RPH3A: variants seen among roughly 807,000 people sequenced by gnomAD.
RPH3A encodes rabphilin 3A, also known as rabphilin-3A.
In RPH3A, 48 loss-of-function variants were observed where a neutral mutation model predicts 102.2. The ratio of observed to expected loss-of-function variants is 0.47; its 90% CI spans 0.37 to 0.60. The LOEUF is 0.60. RPH3A is among the 20% of genes least tolerant of loss of function. RPH3A has a pLI of 0.00. For missense variants in RPH3A, 781 were observed against 910.1 expected, an observed-to-expected ratio of 0.86 and a Z score of 1.83; for synonymous variants, 310 against 324.3, an observed-to-expected ratio of 0.96 and a Z score of 0.47.
intron 12 of RPH3A, 90 bp from the exon 13 acceptor site, chr12:112,876,552 A>G: frequency 1.1e-6 from 1 of 917,474 alleles, no homozygotes. Flanking sequence ...GGGTGAAGCC[A>G]GGAATCCGCA....
At chr12:112,681,930 C>T (rs1166285927) in intron 1 of RPH3A, among the ~76,000 whole-genome samples, 1 of 152,218 alleles carries the variant, frequency 6.6e-6, no homozygotes, top group Non-Finnish European at 1.5e-5. Context: ...TTTAGAAACT[C>T]TAGACCTTGA....
At position 112,890,033 on chromosome 12, in the gene RPH3A, G is replaced by T. The variant is rs1285199710; in HGVS notation, c.1573G>T (p.Ala525Ser). Residue 525 changes from alanine (A) to serine (S), a missense_variant, in exon 18 of 22, where the codon GCT becomes TCT. Coordinates refer to ENST00000389385, the MANE Select transcript of RPH3A (RefSeq NM_001143854.2). ...CLERVIPMKR[A>S]GTTGSARGMA... ...GTTTTCTTCTTTTAAGATGAAACGT[G>T]CTGGGACCACCGGGTCAGCCCGAGG... 1.2e-6 allele frequency: 2 copies of T among 1,613,610 alleles called. No individual in the cohort carries two copies. Among genetic ancestry groups the T allele is most frequent in the Admixed American group, 3.3e-5 (2 of 60,028 alleles).
chr12:112,599,935 C>A (rs2039546579), intron 1 of RPH3A, among the ~76,000 whole-genome samples: 1 of 152,204 alleles, frequency 6.6e-6, no homozygotes, highest in Admixed American at 6.5e-5. Flanking sequence ...CTCTCTCAGC[C>A]TCAGCCTTCT....
intron 1 of RPH3A, among the ~76,000 whole-genome samples, chr12:112,652,129 T>C (rs1278736294): frequency 3.3e-5 from 5 of 152,142 alleles, no homozygotes; most frequent in Non-Finnish European, 7.4e-5. Flanking sequence ...GTGGAATTAC[T>C]AGATCATGTG....
At chr12:112,685,219 A>C (rs2040254968) in intron 1 of RPH3A, among the ~76,000 whole-genome samples, 1 of 152,182 alleles carries the variant, frequency 6.6e-6, no homozygotes. Flanking sequence ...TTACAGGCAT[A>C]AGCCATTGCA....
At position 112,738,975 on chromosome 12, in the gene RPH3A, C is replaced by T. The variant is rs780575145; in HGVS notation, c.-139-53168C>T. On this transcript the variant is annotated intron_variant, in intron 1 of 21. Coordinates refer to the RPH3A transcript ENST00000543106. The stretch of plus-strand genomic sequence containing the variant: ...TCGCAGTATGAGGTAGATGCATGCA[C>T]GAAGGAGAAGAGGCCAGAATAAACA... Among the ~76,000 whole-genome samples, 19 of 152,152 alleles carry T rather than the reference C, an allele frequency of 1.2e-4. No individual in the cohort carries two copies. The South Asian group carries it at 1.9e-3, about 15-fold the overall frequency.
At position 112,785,012 on chromosome 12, in the gene RPH3A, C is replaced by T. The variant is rs1390953966; in HGVS notation, c.-139-7131C>T. On this transcript the variant is annotated intron_variant, in intron 1 of 21. Coordinates refer to the RPH3A transcript ENST00000543106. The stretch of plus-strand genomic sequence containing the variant: ...CAGAGGCGGGTGGATCACCTGAGGT[C>T]GGGAGTTCGAGACCAACCTGACCAA... 4.6e-5 allele frequency among the ~76,000 whole-genome samples: 7 copies of T among 152,160 alleles called. No homozygotes were observed. In the East Asian group the frequency reaches 7.7e-4, roughly 17 times the overall value.
chr12:112,663,523 T>G (rs964684410), intron 1 of RPH3A, among the ~76,000 whole-genome samples: 1 of 152,088 alleles, frequency 6.6e-6, no homozygotes, highest in Admixed American at 6.5e-5. Flanking sequence ...AATTTACTTA[T>G]TATTATTATT....
At chr12:112,800,434 T>C (rs2041321170) in intron 2 of RPH3A, among the ~76,000 whole-genome samples, 1 of 152,182 alleles carries the variant, frequency 6.6e-6, no homozygotes, top group South Asian at 2.1e-4. Context: ...GATCAGGACC[T>C]CCAGATCTGG....
In RPH3A at chr12:112,856,265, G is replaced by A. The variant is rs3782873; in HGVS notation, c.230+8423G>A. On this transcript the variant is annotated intron_variant, in intron 5 of 21. Coordinates refer to ENST00000389385, the MANE Select transcript of RPH3A (RefSeq NM_001143854.2). ...GCATCAAGATGTTGCAGCAGTACGG[G>A]AAAGGTCAAAAGTAGTTACTTGAAT... is the stretch of plus-strand genomic sequence containing the variant. Among the ~76,000 whole-genome samples the A allele has an allele frequency of 3.3e-5, 5 of 152,328 alleles. No individual in the cohort carries two copies. The East Asian group carries it at 9.6e-4, about 29-fold the overall frequency.
At chr12:112,834,977 G>C (rs1246802389) in intron 3 of RPH3A, among the ~76,000 whole-genome samples, 1 of 152,074 alleles carries the variant, frequency 6.6e-6, no homozygotes, top group African/African-American at 2.4e-5. Context: ...AAGGGAGAGG[G>C]ATCTTGGAGA....
chr12:112,730,378 C>T (rs967304280), intron 1 of RPH3A, among the ~76,000 whole-genome samples: 8 of 152,232 alleles, frequency 5.3e-5, no homozygotes, highest in Non-Finnish European at 1.2e-4. Context: ...GGGGTAGCCT[C>T]AGCTGCAGAA....
intron 5 of RPH3A, among the ~76,000 whole-genome samples, chr12:112,854,428 T>A (rs1370162087): frequency 6.6e-6 from 1 of 152,248 alleles, no homozygotes; most frequent in African/African-American, 2.4e-5. Flanking sequence ...GTAGATTCAT[T>A]TATGTAAACT....
chr12:112,888,037 C>G, intron 17 of RPH3A, 114 bp downstream of exon 17: 1 of 1,200,694 alleles, frequency 8.3e-7, no homozygotes. Context: ...AGCAGAGGCA[C>G]TGCAGCAGGT....
intron 1 of RPH3A, among the ~76,000 whole-genome samples, chr12:112,634,204 C>T (rs1280044225): frequency 8.0e-6 from 1 of 125,140 alleles, no homozygotes; most frequent in African/African-American, 3.2e-5. Flanking sequence ...AAAAATTAGC[C>T]GGGCGTAGTG....
At chr12:112,736,028 G>T (rs1455290781) in intron 1 of RPH3A, among the ~76,000 whole-genome samples, 1 of 152,048 alleles carries the variant, frequency 6.6e-6, no homozygotes, top group Non-Finnish European at 1.5e-5. Context: ...CCTCTGCCTG[G>T]AATGCTTTTC....
intron 1 of RPH3A, among the ~76,000 whole-genome samples, chr12:112,683,391 G>A (rs966691491): frequency 2.0e-5 from 3 of 152,130 alleles, no homozygotes; most frequent in Non-Finnish European, 4.4e-5. Flanking sequence ...GGCTAGGTAG[G>A]GGTCCTACCA....
chr12:112,883,743 A>G (rs953852405), intron 16 of RPH3A, among the ~76,000 whole-genome samples: 1 of 152,224 alleles, frequency 6.6e-6, no homozygotes, highest in Non-Finnish European at 1.5e-5. Context: ...TCATCTCATT[A>G]GTACATCTGT....
chr12:112,656,964 C>A (rs2040017710), intron 1 of RPH3A, among the ~76,000 whole-genome samples: 1 of 151,834 alleles, frequency 6.6e-6, no homozygotes, highest in African/African-American at 2.4e-5. Context: ...GGGTAGATAT[C>A]CAGTAGTGGA....
Sources: allele counts gnomAD v4.1 joint callset (sites outside exome capture counted in the v4.1 genomes callset), GRCh38; gene constraint gnomAD v4.1.1; transcripts MANE v1.5; gene names NCBI Gene and HGNC (gene_info 2026-07-23, HGNC 2026-07-21).